ZACN: variants seen among roughly 807,000 people sequenced by gnomAD.
The protein encoded by ZACN is zinc activated ion channel.
A neutral mutation model predicts 38.9 loss-of-function variants in ZACN; 52 were observed. That is an observed-to-expected ratio of 1.34 (90% confidence interval 1.07 to 1.68). The LOEUF (loss-of-function observed/expected upper bound fraction) is 1.68. Ranked by LOEUF, ZACN falls within the 40% of genes most tolerant of loss-of-function variation. ZACN has a pLI of 0.00. For synonymous variants in ZACN, 235 were observed against 227.4 expected, an observed-to-expected ratio of 1.03 and a Z score of -0.30; for missense variants, 559 against 525.6, an observed-to-expected ratio of 1.06 and a Z score of -0.62.
chr17:76,079,869 G>T lies in ZACN; in HGVS notation c.268-19G>T. 2 of 1,586,986 alleles carry T rather than the reference G, an allele frequency of 1.3e-6. No homozygotes were observed. Among genetic ancestry groups the T allele is most frequent in the East Asian group, 2.3e-5 (1 of 43,304 alleles). On this transcript the variant is annotated intron_variant, in intron 3 of 8. Transcript: ENST00000334586. ...ATATGTGGAGAGCAGGAGCCTCAGTGGTGCCCTTGTGTCCCCAGTCCTGGC... is the reference window on the plus strand; with the variant it reads ...ATATGTGGAGAGCAGGAGCCTCAGTTGTGCCCTTGTGTCCCCAGTCCTGGC...
intron 8 of ZACN, 133 bp from the exon 9 acceptor site, chr17:76,082,330 C>T (rs2067016879): frequency 5.8e-6 from 6 of 1,033,114 alleles, no homozygotes; most frequent in African/African-American, 1.6e-5. Flanking sequence ...TGAAATGGGC[C>T]AGACCCAAAT....
rs1382704894 is a variant in ZACN, at chr17:76,079,472, A to G, written c.131A>G (p.Lys44Arg). The change falls in exon 2 of 9, where the codon AAG becomes AGG. Residue 44 changes from lysine (K) to arginine (R), a missense_variant. Transcript: ENST00000334586. ...WPSLFNVNLS[K>R]KVQESIQIPN... ...TCCCTCTTCAACGTCAACTTGTCCA[A>G]GAAGGTTCAGGAAAGCATCCAGATC... The G allele has an allele frequency of 1.9e-6, 3 of 1,614,176 alleles. No individual in the cohort carries two copies. The highest frequency in any genetic ancestry group is 2.2e-5 in the South Asian group (2 of 91,088).
chr17:76,081,861 C>T (rs1325488001), intron 7 of ZACN, 21 bp from the exon 8 acceptor site: 2 of 1,608,330 alleles, frequency 1.2e-6, no homozygotes, highest in Non-Finnish European at 1.7e-6. Flanking sequence ...TGAGCATCTC[C>T]CTGTGCCCTG....
intron 4 of ZACN, 54 bp from the exon 5 acceptor site, chr17:76,080,201 C>A: frequency 6.4e-7 from 1 of 1,557,936 alleles, no homozygotes; most frequent in Non-Finnish European, 8.7e-7. Context: ...GGGTCTCCCC[C>A]CGGCCCCGTC....
chr17:76,079,760 C>T lies in ZACN; in HGVS notation c.267+14C>T, dbSNP rs1290526430. Reference sequence around the variant, plus strand: ...CTGCTTAGGCTGGTGAGCTCCTATGCCTGGGGAGGTGGGATGGGAAAGCCC... The same window carrying T: ...CTGCTTAGGCTGGTGAGCTCCTATGTCTGGGGAGGTGGGATGGGAAAGCCC... On this transcript the variant is annotated intron_variant, in intron 3 of 8. Transcript: ENST00000334586. 6.2e-7 allele frequency: 1 copy of T among 1,612,536 alleles called. No individual in the cohort carries two copies. The highest frequency in any genetic ancestry group is 8.5e-7 in the Non-Finnish European group (1 of 1,179,234).
In ZACN at chr17:76,079,546, T is replaced by A. The variant is rs1220027061; in HGVS notation, c.205T>A (p.Ser69Thr). Residue 69 changes from serine to threonine, a missense_variant, in exon 2 of 9, where the codon TCC becomes ACC. Physicochemically the swap from Ser to Thr is moderately conservative, Grantham distance 58. Coordinates refer to ENST00000334586, the MANE Select transcript of ZACN (RefSeq NM_180990.4). ...GCTCGTGGATGTGCGGGTGTTTGTC[T>A]CCAACGTGTTTAATGTGGTAAGTGC... Reference protein sequence around the residue: ...PLLVDVRVFVSNVFNVDILRY... With the variant: ...PLLVDVRVFVTNVFNVDILRY... 3.7e-6 allele frequency: 6 copies of A among 1,614,184 alleles called. No homozygotes were observed. Among genetic ancestry groups the A allele is most frequent in the Non-Finnish European group, 5.1e-6 (6 of 1,180,026 alleles).
chr17:76,079,542 T>A lies in ZACN; in HGVS notation c.201T>A (p.Phe67Leu). ...CCCTGCTCGTGGATGTGCGGGTGTT[T>A]GTCTCCAACGTGTTTAATGTGGTAA... ...SAPLLVDVRV[F>L]VSNVFNVDIL... Residue 67 changes from phenylalanine (F) to leucine (L), a missense_variant, in exon 2 of 9, where the codon TTT becomes TTA. Coordinates refer to ENST00000334586, the MANE Select transcript of ZACN (RefSeq NM_180990.4). 6.2e-7 allele frequency: 1 copy of A among 1,614,176 alleles called. No individual in the cohort carries two copies. The highest frequency in any genetic ancestry group is 8.5e-7 in the Non-Finnish European group (1 of 1,180,018).
intron 5 of ZACN, 141 bp from the exon 6 acceptor site, chr17:76,081,137 T>A (rs1290903075): frequency 8.3e-7 from 1 of 1,209,886 alleles, no homozygotes; most frequent in Non-Finnish European, 1.2e-6. Context: ...AGCCCTTCTA[T>A]GGATCGGTTT....
intron 8 of ZACN, 89 bp downstream of exon 8, chr17:76,082,138 C>A (rs2067010187): frequency 2.1e-6 from 3 of 1,420,728 alleles, no homozygotes; most frequent in Non-Finnish European, 2.8e-6. Flanking sequence ...TGGGTAGAGG[C>A]CCCTTGCATC....
rs753679174 is a variant in ZACN at position 76,082,501 on chromosome 17, C to A, written c.1087C>A (p.Pro363Thr). ...AGTAAAGGGGTCACAGAGAAGCTGG[C>A]CTGAGACTGCTGACCGCATCTTCTT... is the stretch of plus-strand genomic sequence containing the variant. The part of the protein sequence containing the change: ...RGVKGSQRSW[P>T]ETADRIFFLV... Residue 363 changes from proline (P) to threonine (T), a missense_variant, in exon 9 of 9, where the codon CCT (proline) becomes ACT (threonine). Pro to Thr is a conservative substitution (Grantham distance 38). Coordinates refer to ENST00000334586, the MANE Select transcript of ZACN (RefSeq NM_180990.4). 2.2e-5 allele frequency: 35 copies of A among 1,613,432 alleles called. No homozygotes were observed. Among genetic ancestry groups the A allele is most frequent in the Non-Finnish European group, 2.9e-5 (34 of 1,179,794 alleles).
chr17:76,080,003 GAC>G lies in ZACN; in HGVS notation c.374+11_374+12del, dbSNP rs780904634. The G allele has an allele frequency of 6.4e-7, 1 of 1,564,086 alleles. No homozygotes were observed. Among genetic ancestry groups the G allele is most frequent in the Non-Finnish European group, 8.7e-7 (1 of 1,154,786 alleles). ...CTCACCATCCTGGAGGCGTAAGTGA[GAC>G]AGTTCCTGCCCCAGGAATCTGCCAT... On this transcript the variant is annotated intron_variant, in intron 4 of 8. Transcript: ENST00000334586.
chr17:76,080,056 A>G (rs1207360472), intron 4 of ZACN, 62 bp downstream of exon 4: 15 of 1,517,510 alleles, frequency 9.9e-6, no homozygotes, highest in Admixed American at 2.0e-5. Flanking sequence ...TCCCCCATCT[A>G]CAACCTAGAG....
chr17:76,080,304 G>A lies in ZACN; in HGVS notation c.424G>A (p.Asp142Asn). 2 of 1,613,814 alleles carry A rather than the reference G, an allele frequency of 1.2e-6. No individual in the cohort carries two copies. The highest frequency in any genetic ancestry group is 8.5e-7 in the Non-Finnish European group (1 of 1,179,864). ...GAGCCCCCAGGCTCGAGTAGACCAG[G>A]ACGGCCACGTGAAGCTCAACCTGGC... is the stretch of plus-strand genomic sequence containing the variant. ...DQSPQARVDQ[D>N]GHVKLNLALA... The change falls in exon 5 of 9, where the codon GAC becomes AAC. Residue 142 changes from aspartate to asparagine, a missense_variant. Physicochemically the swap from Asp to Asn is conservative, Grantham distance 23. Transcript: ENST00000334586.
chr17:76,080,046 T>TC (rs34700740), intron 4 of ZACN, 52 bp downstream of exon 4: 15 of 1,524,052 alleles, frequency 9.8e-6, no homozygotes, highest in Admixed American at 9.8e-5. Context: ...GCCCTCCTTT[T>TC]CCCCCATCTA....
Position 76,080,293 on chromosome 17 carries a change from G to C in ZACN, c.413G>C (p.Arg138Pro), listed in dbSNP as rs754119051. 1.9e-6 allele frequency: 3 copies of C among 1,613,950 alleles called. No homozygotes were observed. The highest frequency in any genetic ancestry group is 1.1e-5 in the South Asian group (1 of 91,076). Residue 138 changes from arginine to proline, a missense_variant, in exon 5 of 9, where the codon CGA becomes CCA. Arg to Pro is a moderately radical substitution (Grantham distance 103). Transcript: ENST00000334586. ...VDWRDQSPQA[R>P]VDQDGHVKLN... Reference sequence around the variant, plus strand: ...TGGAGGGACCAGAGCCCCCAGGCTCGAGTAGACCAGGACGGCCACGTGAAG... The same window carrying C: ...TGGAGGGACCAGAGCCCCCAGGCTCCAGTAGACCAGGACGGCCACGTGAAG...
chr17:76,082,325 T>A, intron 8 of ZACN, 138 bp from the exon 9 acceptor site: 1 of 962,118 alleles, frequency 1.0e-6, no homozygotes, highest in Non-Finnish European at 1.5e-6. Flanking sequence ...TGGCCTGAAA[T>A]GGGCCAGACC....
intron 8 of ZACN, 105 bp from the exon 9 acceptor site, chr17:76,082,358 C>CT (rs1284170528): frequency 4.8e-6 from 6 of 1,241,500 alleles, no homozygotes; most frequent in Non-Finnish European, 5.6e-6. Context: ...AGCTGAGAAT[C>CT]TAAGAAAGGA....
chr17:76,081,692 C>T lies in ZACN; in HGVS notation c.817C>T (p.Leu273Phe). 1 of 1,614,146 alleles carries T rather than the reference C, an allele frequency of 6.2e-7. No individual in the cohort carries two copies. Among genetic ancestry groups the T allele is most frequent in the African/African-American group, 1.3e-5 (1 of 75,050 alleles). ...CAAGGTGACATTGCTGCTGAGTTAC[C>T]TCGTCCTCCACTCCTCCCTGGTGCA... The part of the protein sequence containing the change: ...GYKVTLLLSY[L>F]VLHSSLVQAL... The change falls in exon 7 of 9, where the codon CTC becomes TTC. Residue 273 changes from leucine (L) to phenylalanine (F), a missense_variant. Transcript: ENST00000334586.
chr17:76,080,361 C>A lies in ZACN; in HGVS notation c.481C>A (p.Leu161Ile). The A allele has an allele frequency of 6.2e-7, 1 of 1,613,834 alleles. No individual in the cohort carries two copies. Among genetic ancestry groups the A allele is most frequent in the Non-Finnish European group, 8.5e-7 (1 of 1,179,822 alleles). ...CACGGAGACCAACTGCAACTTTGAGCTCCTCCACTTCCCCCGGGACCACAG... is the reference window on the plus strand; with the variant it reads ...CACGGAGACCAACTGCAACTTTGAGATCCTCCACTTCCCCCGGGACCACAG... ...LATETNCNFE[L>I]LHFPRDHSNC... Residue 161 changes from leucine to isoleucine, a missense_variant, in exon 5 of 9, where the codon CTC becomes ATC. By Grantham distance (5) the Leu-to-Ile change is conservative (BLOSUM62 2). Transcript: ENST00000334586.
Sources: allele counts gnomAD v4.1 joint callset, GRCh38; gene constraint gnomAD v4.1.1; transcripts MANE v1.5; gene names NCBI Gene and HGNC (gene_info 2026-07-23, HGNC 2026-07-21).